The following FRMD4B variants were observed in gnomAD, a reference collection of about 807,000 sequenced individuals.
FRMD4B encodes the protein FERM domain-containing protein 4B.
Under a neutral mutation model 141.5 loss-of-function variants are expected in FRMD4B, and 74 were observed. That is an observed-to-expected ratio of 0.52 (90% CI 0.43 to 0.63). The LOEUF (loss-of-function observed/expected upper bound fraction) is 0.63. FRMD4B is among the 30% of genes least tolerant of loss of function. FRMD4B has a pLI of 0.00. For missense variants in FRMD4B, 1,366 were observed against 1,253.4 expected (o/e 1.09, Z -1.36); for synonymous variants, 506 against 467.9 (o/e 1.08, Z -1.05).
At chr3:69,258,478 C>T (rs1222896640) in intron 5 of FRMD4B, among the ~76,000 whole-genome samples, 1 of 151,874 alleles carries the variant, frequency 6.6e-6, no homozygotes, top group Non-Finnish European at 1.5e-5. Context: ...AATTATTTTG[C>T]TAGTTAAAAA....
At chr3:69,229,276 T>A (rs912225959) in intron 7 of FRMD4B, among the ~76,000 whole-genome samples, 2 of 152,108 alleles carry the variant, frequency 1.3e-5, no homozygotes, top group Non-Finnish European at 2.9e-5. Context: ...CCTTCCTGCC[T>A]TAGCTTCCCA....
chr3:69,272,664 T>C (rs1350575015), intron 5 of FRMD4B, among the ~76,000 whole-genome samples: 1 of 152,254 alleles, frequency 6.6e-6, no homozygotes, highest in Admixed American at 6.5e-5. Context: ...ATATTCTGAA[T>C]GTATTTTAGT....
chr3:69,461,809 C>T (rs538467730), intron 1 of FRMD4B, among the ~76,000 whole-genome samples: 2 of 152,164 alleles, frequency 1.3e-5, no homozygotes, highest in South Asian at 2.1e-4. Context: ...TTTTCCAGGA[C>T]GGCCCCAGTT....
chr3:69,299,110 C>CA, intron 4 of FRMD4B, among the ~76,000 whole-genome samples: 1 of 152,102 alleles, frequency 6.6e-6, no homozygotes, highest in Non-Finnish European at 1.5e-5. Context: ...ATCGGGTCCT[C>CA]AGACCTAGAA....
At chr3:69,354,479 T>C (rs1391542951) in intron 1 of FRMD4B, among the ~76,000 whole-genome samples, 2 of 152,188 alleles carry the variant, frequency 1.3e-5, no homozygotes, top group Non-Finnish European at 2.9e-5. Context: ...ATTAAATCTC[T>C]AAGACTCTCT....
At chr3:69,202,684 A>AG (rs2092980760) in intron 11 of FRMD4B, among the ~76,000 whole-genome samples, 3 of 152,162 alleles carry the variant, frequency 2.0e-5, no homozygotes, top group Admixed American at 2.0e-4. Flanking sequence ...TAGTGATGAA[A>AG]GGGAAATAGT....
intron 1 of FRMD4B, among the ~76,000 whole-genome samples, chr3:69,383,840 A>C (rs376974642): frequency 5.2e-5 from 8 of 152,394 alleles, no homozygotes; most frequent in East Asian, 3.9e-4. Flanking sequence ...GATTACAGGC[A>C]TGAGCCATGG....
intron 1 of FRMD4B, among the ~76,000 whole-genome samples, chr3:69,351,762 G>A (rs1037059591): frequency 3.3e-5 from 5 of 152,162 alleles, no homozygotes; most frequent in South Asian, 2.1e-4. Flanking sequence ...TGCCCCTAAC[G>A]GGATAGGAAG....
intron 2 of FRMD4B, among the ~76,000 whole-genome samples, chr3:69,421,142 C>G (rs1201851056): frequency 6.6e-6 from 1 of 152,192 alleles, no homozygotes; most frequent in African/African-American, 2.4e-5. Flanking sequence ...TTAGATACAC[C>G]CAGGTGCTAC....
At chr3:69,226,494 A>C (rs541487727) in intron 7 of FRMD4B, among the ~76,000 whole-genome samples, 53 of 151,878 alleles carry the variant, frequency 3.5e-4, no homozygotes, top group Admixed American at 1.4e-3. Flanking sequence ...TTTTTTAATG[A>C]AGGGCAAATG....
chr3:69,236,340 T>C (rs923329832), intron 7 of FRMD4B, among the ~76,000 whole-genome samples: 1 of 150,612 alleles, frequency 6.6e-6, no homozygotes, highest in African/African-American at 2.4e-5. Context: ...CAGATCCTCC[T>C]GCCTCAGCCT....
intron 1 of FRMD4B, chr3:69,536,628 C>A: frequency 1.0e-6 from 1 of 1,004,818 alleles, no homozygotes; most frequent in Non-Finnish European, 1.5e-6. Flanking sequence ...TTCAGGAGAC[C>A]TGGATGATCC....
At chr3:69,467,917 T>C (rs1248600606) in intron 1 of FRMD4B, among the ~76,000 whole-genome samples, 2 of 152,152 alleles carry the variant, frequency 1.3e-5, no homozygotes, top group African/African-American at 4.8e-5. Context: ...TTGACCAATG[T>C]GGAAAAACGC....
At chr3:69,305,164 A>G (rs1395770972) in intron 3 of FRMD4B, among the ~76,000 whole-genome samples, 1 of 152,206 alleles carries the variant, frequency 6.6e-6, no homozygotes, top group Non-Finnish European at 1.5e-5. Flanking sequence ...TGTATATAAA[A>G]GTACCCGGGA....
In FRMD4B at chr3:69,170,985, T is replaced by C. The variant is rs1219112702; in HGVS notation, c.*876A>G. 6.6e-6 allele frequency: 1 copy of C among 152,298 alleles called. No homozygotes were observed. The highest frequency in any genetic ancestry group is 6.5e-5 in the Admixed American group (1 of 15,296). 9.4% of individuals were successfully genotyped at this position (152,298 alleles called of 1,614,324 possible). A position where few individuals can be genotyped will look rare whatever the true frequency, so the allele number is the denominator to read the frequency against. On this transcript the variant is annotated 3_prime_UTR_variant, in exon 23 of 23. Coordinates refer to ENST00000398540, the MANE Select transcript of FRMD4B (RefSeq NM_015123.3). ...TTCTGTATCATCTTAAAATGCTTTT[T>C]CAAACTCATAATTATAAAAACTTTC...
upstream of FRMD4B, among the ~76,000 whole-genome samples, chr3:69,388,948 T>C (rs1195065043): frequency 6.6e-6 from 1 of 152,048 alleles, no homozygotes; most frequent in South Asian, 2.1e-4. Flanking sequence ...AAGAATAGTG[T>C]ACATTGTACC....
At chr3:69,456,461 CA>C (rs1431276278) in intron 1 of FRMD4B, among the ~76,000 whole-genome samples, 2 of 152,118 alleles carry the variant, frequency 1.3e-5, no homozygotes, top group East Asian at 3.9e-4. Context: ...ATAATAGAAG[CA>C]ATTAAGGAAA....
chr3:69,264,972 G>A (rs1177031747), intron 5 of FRMD4B, among the ~76,000 whole-genome samples: 1 of 152,018 alleles, frequency 6.6e-6, no homozygotes, highest in Non-Finnish European at 1.5e-5. Context: ...ATACAGATAT[G>A]AGGTCGGGCG....
At chr3:69,404,198 C>G (rs60498791) in intron 2 of FRMD4B, among the ~76,000 whole-genome samples, 29 of 152,240 alleles carry the variant, frequency 1.9e-4, no homozygotes, top group Middle Eastern at 3.4e-3. Flanking sequence ...TGCCTGGTCT[C>G]CTAAGAATGT....
Sources: allele counts gnomAD v4.1 joint callset (sites outside exome capture counted in the v4.1 genomes callset), GRCh38; gene constraint gnomAD v4.1.1; transcripts MANE v1.5; gene names NCBI Gene and HGNC (gene_info 2026-07-23, HGNC 2026-07-21).